The following GPC5 variants were observed in gnomAD, a reference collection of about 807,000 sequenced individuals.
GPC5 encodes the protein glypican 5, also known as glypican-5.
A neutral mutation model predicts 53.9 loss-of-function variants in GPC5; 47 were observed. The ratio of observed to expected loss-of-function variants is 0.87; its 90% confidence interval spans 0.69 to 1.11. The LOEUF (loss-of-function observed/expected upper bound fraction) is 1.11, where lower values mean the gene tolerates loss of function less well. Ranked by LOEUF, GPC5 falls within the 50% of genes most tolerant of loss-of-function variation. The pLI is 0.00. For synonymous variants in GPC5, 286 were observed against 263.3 expected (o/e 1.09, Z -0.84); for missense variants, 748 against 713.1 (o/e 1.05, Z -0.56).
intron 5 of GPC5, among the ~76,000 whole-genome samples, chr13:91,827,344 A>G (rs902483738): frequency 6.6e-6 from 1 of 151,854 alleles, no homozygotes; most frequent in African/African-American, 2.4e-5. Flanking sequence ...CTGCATCCAA[A>G]TGATAAGTAT....
intron 1 of GPC5, among the ~76,000 whole-genome samples, chr13:91,448,223 C>T (rs1880934874): frequency 6.6e-6 from 1 of 152,190 alleles, no homozygotes. Flanking sequence ...AGCTTGGGCC[C>T]ATGGGGGCCT....
At chr13:91,780,769 C>T (rs993210229) in intron 5 of GPC5, among the ~76,000 whole-genome samples, 18 of 152,124 alleles carry the variant, frequency 1.2e-4, no homozygotes, top group Non-Finnish European at 2.1e-4. Context: ...TTAATTTTAT[C>T]CTCCAAATGT....
At chr13:92,104,817 G>T (rs1187048183) in intron 6 of GPC5, among the ~76,000 whole-genome samples, 1 of 152,076 alleles carries the variant, frequency 6.6e-6, no homozygotes, top group Non-Finnish European at 1.5e-5. Flanking sequence ...AATCCAAACG[G>T]TTTGGTAAAT....
chr13:91,801,608 A>G (rs1309785302), intron 5 of GPC5, among the ~76,000 whole-genome samples: 1 of 152,190 alleles, frequency 6.6e-6, no homozygotes, highest in Admixed American at 6.5e-5. Context: ...ATTGCTATGT[A>G]TCTTCATGTC....
At chr13:92,290,724 T>C (rs2042987862) in intron 7 of GPC5, among the ~76,000 whole-genome samples, 1 of 152,234 alleles carries the variant, frequency 6.6e-6, no homozygotes. Flanking sequence ...GACAGCGTGC[T>C]GGCAGTCCTC....
intron 6 of GPC5, among the ~76,000 whole-genome samples, chr13:91,911,708 A>G (rs2064526419): frequency 6.6e-6 from 1 of 152,204 alleles, no homozygotes; most frequent in Non-Finnish European, 1.5e-5. Context: ...CATAACTGGA[A>G]CTAGAATAAT....
chr13:91,867,162 C>T (rs948794824), intron 5 of GPC5, among the ~76,000 whole-genome samples: 13 of 152,194 alleles, frequency 8.5e-5, no homozygotes, highest in Non-Finnish European at 1.5e-4. Context: ...TTGTGGCAAG[C>T]CGAGGTCACG....
intron 2 of GPC5, among the ~76,000 whole-genome samples, chr13:91,679,365 A>C (rs967017295): frequency 6.6e-6 from 1 of 152,172 alleles, no homozygotes; most frequent in Non-Finnish European, 1.5e-5. Context: ...TAAGGAGGTC[A>C]GAAAGATGCT....
Position 92,789,350 on chromosome 13 carries a change from GT to G in GPC5, c.1562-76929del, listed in dbSNP as rs1254722478. Among the ~76,000 whole-genome samples the G allele has an allele frequency of 4.6e-5, 7 of 152,172 alleles. No individual in the cohort carries two copies. In the East Asian group the frequency reaches 1.3e-3, roughly 29 times the overall value. On this transcript the variant is annotated intron_variant, in intron 7 of 7. Transcript: ENST00000377067. Reference sequence around the variant, plus strand: ...TGATAAGAAGGAAATAATTGAAAATGTTTATCTTGAGCAAAACAGGTAAAAT... The same window carrying G: ...TGATAAGAAGGAAATAATTGAAAATGTTATCTTGAGCAAAACAGGTAAAAT...
intron 6 of GPC5, among the ~76,000 whole-genome samples, chr13:92,130,100 A>G (rs2041730851): frequency 6.6e-6 from 1 of 152,120 alleles, no homozygotes; most frequent in African/African-American, 2.4e-5. Context: ...AAACTCTGGA[A>G]GCTGGAGACA....
At chr13:91,710,185 G>A (rs1326445589) in intron 3 of GPC5, among the ~76,000 whole-genome samples, 1 of 152,182 alleles carries the variant, frequency 6.6e-6, no homozygotes, top group Non-Finnish European at 1.5e-5. Context: ...TAAAGTGTCT[G>A]GCAATATTTG....
At chr13:91,424,807 GAC>G (rs35677792) in intron 1 of GPC5, among the ~76,000 whole-genome samples, 7,715 of 152,254 alleles carry the variant, frequency 0.051, 297 homozygotes, top group East Asian at 0.18. Flanking sequence ...AGAAGAAATT[GAC>G]CCCATTGCTG....
chr13:91,399,248 C>T, intron 1 of GPC5, 39 bp downstream of exon 1: 1 of 1,593,114 alleles, frequency 6.3e-7, no homozygotes, highest in Non-Finnish European at 8.5e-7. Flanking sequence ...TGGCGGCGTC[C>T]GAGCCCGGCC....
intron 6 of GPC5, among the ~76,000 whole-genome samples, chr13:91,998,362 A>C (rs917866484): frequency 1.3e-5 from 2 of 152,194 alleles, no homozygotes; most frequent in East Asian, 3.8e-4. Flanking sequence ...TAACTTTCTG[A>C]AAACATGCCA....
At chr13:91,656,409 G>A (rs1050780717) in intron 2 of GPC5, among the ~76,000 whole-genome samples, 9 of 152,250 alleles carry the variant, frequency 5.9e-5, no homozygotes, top group Admixed American at 4.6e-4. Context: ...TATAGATCTG[G>A]GAGTAAGGAT....
intron 7 of GPC5, among the ~76,000 whole-genome samples, chr13:92,610,987 T>A (rs1277600727): frequency 7.0e-6 from 1 of 143,456 alleles, no homozygotes. Flanking sequence ...TTTTTTTTGC[T>A]TAATCTAGGT....
chr13:92,217,415 AC>A (rs1382453129), intron 7 of GPC5, among the ~76,000 whole-genome samples: 1 of 151,954 alleles, frequency 6.6e-6, no homozygotes, highest in African/African-American at 2.4e-5. Flanking sequence ...CTCATCCTCT[AC>A]CTTTCCCCAG....
At chr13:91,903,528 C>G (rs1448704996) in intron 5 of GPC5, among the ~76,000 whole-genome samples, 1 of 152,036 alleles carries the variant, frequency 6.6e-6, no homozygotes, top group Non-Finnish European at 1.5e-5. Flanking sequence ...TATCATTTCT[C>G]TTTTTTATTT....
intron 7 of GPC5, among the ~76,000 whole-genome samples, chr13:92,231,884 T>G (rs546067597): frequency 6.6e-6 from 1 of 152,144 alleles, no homozygotes. Flanking sequence ...GAGAATCGCT[T>G]GAAACCGGAA....
Sources: gnomAD v4.1 joint callset for allele counts (sites outside exome capture counted in the v4.1 genomes callset) on GRCh38, gnomAD v4.1.1 for gene constraint, MANE v1.5 for transcripts, NCBI Gene and HGNC (gene_info 2026-07-23, HGNC 2026-07-21) for gene names.